Variants in FGF14 observed in about 807,000 individuals in gnomAD.
FGF14 encodes fibroblast growth factor 14.
FGF14 carries 5 observed loss-of-function variants against 25.5 expected under a neutral mutation model. That is an observed-to-expected ratio of 0.20 (90% CI 0.10 to 0.41). The LOEUF is 0.41. Ranked by LOEUF, FGF14 falls within the 10% of genes least tolerant of loss-of-function variation. The pLI is 1.00. For synonymous variants in FGF14, 138 were observed against 118.3 expected (o/e 1.17, Z -1.08); for missense variants, 222 against 320.1 (o/e 0.69, Z 2.34).
intron 1 of FGF14, among the ~76,000 whole-genome samples, chr13:102,254,833 C>G (rs556935952): frequency 2.6e-5 from 4 of 152,196 alleles, no homozygotes; most frequent in Non-Finnish European, 5.9e-5. Flanking sequence ...ACTGACATAG[C>G]TGAAGTCCTG....
At chr13:102,043,490 G>A (rs2041839163) in intron 1 of FGF14, among the ~76,000 whole-genome samples, 1 of 152,064 alleles carries the variant, frequency 6.6e-6, no homozygotes, top group African/African-American at 2.4e-5. Context: ...TTTTTAGAAG[G>A]GCAAGTACTT....
At chr13:101,865,677 G>T (rs1479404551) in intron 3 of FGF14, among the ~76,000 whole-genome samples, 3 of 152,064 alleles carry the variant, frequency 2.0e-5, no homozygotes, top group Non-Finnish European at 2.9e-5. Context: ...GGATAGCAAA[G>T]GAGTATGAAA....
chr13:101,806,073 C>T (rs914529327), intron 3 of FGF14, among the ~76,000 whole-genome samples: 1 of 151,568 alleles, frequency 6.6e-6, no homozygotes, highest in Non-Finnish European at 1.5e-5. Context: ...AATGTATATA[C>T]ATATAAAATT....
chr13:101,954,436 A>C (rs1335642117), intron 1 of FGF14, among the ~76,000 whole-genome samples: 2 of 152,204 alleles, frequency 1.3e-5, no homozygotes, highest in Non-Finnish European at 2.9e-5. Context: ...CCCTCTTCTA[A>C]ATTTTTGAAG....
At chr13:102,139,513 ATATTAT>A (rs926429615) in intron 1 of FGF14, among the ~76,000 whole-genome samples, 10 of 152,056 alleles carry the variant, frequency 6.6e-5, no homozygotes, top group African/African-American at 2.2e-4. Context: ...GCTAATGATA[ATATTAT>A]TATTAATCCA....
chr13:102,280,723 G>T (rs886375048), intron 1 of FGF14, among the ~76,000 whole-genome samples: 3 of 152,232 alleles, frequency 2.0e-5, no homozygotes, highest in Non-Finnish European at 2.9e-5. Flanking sequence ...ATGAGATAAA[G>T]AAATAAGAAC....
chr13:101,949,264 T>C (rs2036006764), intron 1 of FGF14, among the ~76,000 whole-genome samples: 3 of 152,240 alleles, frequency 2.0e-5, no homozygotes, highest in Non-Finnish European at 1.5e-5. Flanking sequence ...GAACCTTTCC[T>C]GGTAATAACT....
intron 1 of FGF14, among the ~76,000 whole-genome samples, chr13:102,085,559 C>G (rs1466005621): frequency 1.3e-5 from 2 of 152,124 alleles, no homozygotes; most frequent in Non-Finnish European, 2.9e-5. Context: ...CAATATTTAA[C>G]AATGGAAGAC....
At chr13:101,938,325 G>A (rs2035237709) in intron 1 of FGF14, among the ~76,000 whole-genome samples, 1 of 152,214 alleles carries the variant, frequency 6.6e-6, no homozygotes, top group Non-Finnish European at 1.5e-5. Context: ...TCTGTCATGT[G>A]TATTTACCAA....
chr13:102,234,109 G>A (rs7999232), intron 1 of FGF14, among the ~76,000 whole-genome samples: 5,758 of 151,198 alleles, frequency 0.038, 447 homozygotes, highest in African/African-American at 0.13. Flanking sequence ...AAGAGCTCTA[G>A]AGATGGAAGG....
chr13:102,263,892 G>A (rs1027260764), intron 1 of FGF14, among the ~76,000 whole-genome samples: 3 of 152,058 alleles, frequency 2.0e-5, no homozygotes, highest in African/African-American at 7.2e-5. Flanking sequence ...GTCATTTAGG[G>A]GCAGAATCAA....
At chr13:102,236,206 T>C (rs754445047) in intron 1 of FGF14, among the ~76,000 whole-genome samples, 2 of 152,192 alleles carry the variant, frequency 1.3e-5, no homozygotes, top group Non-Finnish European at 2.9e-5. Flanking sequence ...TCTAATAAAC[T>C]TCTTTCACTT....
chr13:102,358,324 G>C (rs2057472713), intron 1 of FGF14, among the ~76,000 whole-genome samples: 1 of 152,100 alleles, frequency 6.6e-6, no homozygotes, highest in Non-Finnish European at 1.5e-5. Context: ...ATTAGTGTTT[G>C]TACTTAGTAG....
At chr13:102,089,336 GGTAT>G in intron 1 of FGF14, among the ~76,000 whole-genome samples, 1 of 152,248 alleles carries the variant, frequency 6.6e-6, no homozygotes, top group South Asian at 2.1e-4. Context: ...GGCACTGGCA[GGTAT>G]TCAACCCAAT....
intron 1 of FGF14, among the ~76,000 whole-genome samples, chr13:101,886,062 A>G: frequency 6.6e-6 from 1 of 152,214 alleles, no homozygotes; most frequent in East Asian, 1.9e-4. Flanking sequence ...AGACAGTGTT[A>G]AGATCCAAAT....
At chr13:102,006,026 C>G (rs1460744461) in intron 1 of FGF14, among the ~76,000 whole-genome samples, 2 of 152,170 alleles carry the variant, frequency 1.3e-5, no homozygotes, top group African/African-American at 4.8e-5. Context: ...AATTACTTCT[C>G]CAGTTGTCTA....
At chr13:101,885,504 A>G (rs1259601704) in intron 1 of FGF14, among the ~76,000 whole-genome samples, 2 of 152,138 alleles carry the variant, frequency 1.3e-5, no homozygotes, top group African/African-American at 4.8e-5. Context: ...TTTAATTTCT[A>G]AAAAAAGAAA....
chr13:102,243,844 G>A (rs372390981), intron 1 of FGF14, among the ~76,000 whole-genome samples: 5 of 151,888 alleles, frequency 3.3e-5, no homozygotes, highest in African/African-American at 1.2e-4. Context: ...CAGCTATAAA[G>A]GACAATTCCT....
At chr13:101,793,513 C>T (rs9518552) in intron 3 of FGF14, among the ~76,000 whole-genome samples, 132,930 of 152,142 alleles carry the variant, frequency 0.87, 59,465 homozygotes, top group East Asian at 1. Flanking sequence ...ATAAGTTGGC[C>T]ATTGCACATA....
Sources: allele counts gnomAD v4.1 joint callset (sites outside exome capture counted in the v4.1 genomes callset), GRCh38; gene constraint gnomAD v4.1.1; transcripts MANE v1.5; gene names NCBI Gene and HGNC (gene_info 2026-07-23, HGNC 2026-07-21).